Variants in PMEPA1 observed in about 807,000 individuals in gnomAD.
The protein encoded by PMEPA1 is protein TMEPAI.
PMEPA1 carries 11 observed loss-of-function variants against 23.0 expected under a neutral mutation model. That is an observed-to-expected ratio of 0.48 (90% CI 0.30 to 0.79). The LOEUF (loss-of-function observed/expected upper bound fraction) is 0.79, where lower values mean the gene tolerates loss of function less well. PMEPA1 is among the 30% of genes least tolerant of loss of function. The pLI is 0.06. For synonymous variants in PMEPA1, 204 were observed against 166.4 expected, an observed-to-expected ratio of 1.23 and a Z score of -1.74; for missense variants, 377 against 390.9, an observed-to-expected ratio of 0.96 and a Z score of 0.30.
rs949784454 is a variant in PMEPA1 at position 57,648,576 on chromosome 20, A to C, written c.*3477T>G. The C allele has an allele frequency of 3.3e-5, 5 of 152,604 alleles. No individual in the cohort carries two copies. The highest frequency in any genetic ancestry group is 7.3e-5 in the Non-Finnish European group (5 of 68,036). The allele number at this position is 152,604 out of a possible 1,614,324, so 9.5% of individuals were successfully genotyped here. The stretch of plus-strand genomic sequence containing the variant: ...GCCCCGCATGCCACGGAAAGCTTAC[A>C]TAAGTTTAACTTGAACAGAGCTTGG... On this transcript the variant is annotated 3_prime_UTR_variant, in exon 4 of 4. Transcript: ENST00000341744.
Position 57,681,964 on chromosome 20 carries a change from G to T in PMEPA1, c.110-22267C>A, listed in dbSNP as rs143739386. Among the ~76,000 whole-genome samples, 37 of 152,202 alleles carry T rather than the reference G, an allele frequency of 2.4e-4. 1 individual carries two copies. Among genetic ancestry groups the T allele is most frequent in the African/African-American group, 8.9e-4 (37 of 41,516 alleles). ...GAGACCCTCTCAGACCAATAAAGCA[G>T]CCCCCAGGCACAGTCATGTGACACT... On this transcript the variant is annotated intron_variant, in intron 1 of 3. Transcript: ENST00000341744.
At chr20:57,678,614 C>T (rs1171176290) in intron 1 of PMEPA1, among the ~76,000 whole-genome samples, 2 of 152,190 alleles carry the variant, frequency 1.3e-5, no homozygotes, top group African/African-American at 2.4e-5. Flanking sequence ...TGCAGCCACA[C>T]GAAACCATCT....
chr20:57,685,898 C>G (rs948954535), intron 1 of PMEPA1, among the ~76,000 whole-genome samples: 1 of 152,188 alleles, frequency 6.6e-6, no homozygotes, highest in African/African-American at 2.4e-5. Flanking sequence ...GGAATCTGGT[C>G]TCACCTCCAA....
Position 57,651,954 on chromosome 20 carries a change from G to A in PMEPA1, c.*99C>T, listed in dbSNP as rs369710270. ...GTGGGAGGGGAGGGCCACACGATGC[G>A]TTGCTGCGCCCCCCGCCTTCCTCTC... is the stretch of plus-strand genomic sequence containing the variant. On this transcript the variant is annotated 3_prime_UTR_variant, in exon 4 of 4. Coordinates refer to ENST00000341744, the MANE Select transcript of PMEPA1 (RefSeq NM_020182.5). The A allele has an allele frequency of 2.9e-6, 3 of 1,019,516 alleles. No homozygotes were observed. The highest frequency in any genetic ancestry group is 4.1e-6 in the Non-Finnish European group (3 of 727,168). The allele number at this position is 1,019,516 out of a possible 1,614,324, so 63.2% of individuals were successfully genotyped here.
At chr20:57,710,758 G>A (rs1185019914), upstream of PMEPA1, 26 of 392,442 alleles carry the variant, frequency 6.6e-5, 1 homozygote, top group African/African-American at 2.1e-5. Flanking sequence ...AGCAGGAGGG[G>A]TGTACTTTTA....
chr20:57,685,224 C>T (rs377113411), intron 1 of PMEPA1, among the ~76,000 whole-genome samples: 6 of 152,128 alleles, frequency 3.9e-5, no homozygotes, highest in East Asian at 1.9e-4. Context: ...GGTACCCACC[C>T]GGCTGCAACC....
chr20:57,666,631 A>G (rs1239929258), intron 1 of PMEPA1, among the ~76,000 whole-genome samples: 1 of 152,230 alleles, frequency 6.6e-6, no homozygotes, highest in African/African-American at 2.4e-5. Context: ...TGGGGTCAGT[A>G]ACAAGTGCCT....
At chr20:57,705,818 G>T (rs954660353) in intron 1 of PMEPA1, among the ~76,000 whole-genome samples, 1 of 152,188 alleles carries the variant, frequency 6.6e-6, no homozygotes, top group Non-Finnish European at 1.5e-5. Flanking sequence ...CTGGGAGAGG[G>T]GTGCTGGTAT....
intron 1 of PMEPA1, among the ~76,000 whole-genome samples, chr20:57,700,636 G>C (rs2071998796): frequency 6.6e-6 from 1 of 152,156 alleles, no homozygotes; most frequent in Non-Finnish European, 1.5e-5. Context: ...AGAGCCACTG[G>C]GGATTTTCAA....
chr20:57,667,803 C>G (rs1455391548), intron 1 of PMEPA1, among the ~76,000 whole-genome samples: 1 of 152,168 alleles, frequency 6.6e-6, no homozygotes, highest in Non-Finnish European at 1.5e-5. Flanking sequence ...ATTTACTGCC[C>G]TCTCCCCTAC....
rs963635063 is a variant in PMEPA1, at chr20:57,704,225, G to A, written c.109+5249C>T. On this transcript the variant is annotated intron_variant, in intron 1 of 3. Coordinates refer to ENST00000341744, the MANE Select transcript of PMEPA1 (RefSeq NM_020182.5). The surrounding 1 kb of genome is among the most constrained non-coding windows in gnomAD (Gnocchi z 4.6). Reference sequence around the variant, plus strand: ...AGGGCCCATGTGGCAATGGTGGGCTGAGCAGTGGCCACAGTGCCTTTAAAC... The same window carrying A: ...AGGGCCCATGTGGCAATGGTGGGCTAAGCAGTGGCCACAGTGCCTTTAAAC... Among the ~76,000 whole-genome samples, 2 of 152,208 alleles carry A rather than the reference G, an allele frequency of 1.3e-5. No individual in the cohort carries two copies. Among genetic ancestry groups the A allele is most frequent in the Admixed American group, 6.5e-5 (1 of 15,280 alleles).
intron 1 of PMEPA1, among the ~76,000 whole-genome samples, chr20:57,695,562 G>A (rs1004094375): frequency 6.6e-6 from 1 of 152,240 alleles, no homozygotes; most frequent in African/African-American, 2.4e-5. Flanking sequence ...GGAGGCTGAA[G>A]CAGGAAGATC....
chr20:57,710,565 G>A (rs1460096117), upstream of PMEPA1: 2 of 1,214,692 alleles, frequency 1.6e-6, no homozygotes, highest in Non-Finnish European at 2.3e-6. Context: ...CAAGGAGGAC[G>A]ACCAGGAAAG....
Position 57,709,758 on chromosome 20 carries a change from C to T in PMEPA1, c.-176G>A. 1 of 980,454 alleles carries T rather than the reference C, an allele frequency of 1.0e-6. No individual in the cohort carries two copies. The highest frequency in any genetic ancestry group is 4.6e-5 in the South Asian group (1 of 21,578). The allele number at this position is 980,454 out of a possible 1,614,324, so 60.7% of individuals were successfully genotyped here. ...TCCCGGGGCGCCGCGGGGCTCAGTG[C>T]GCGGGACCGCGCTCCGCTGCGCCCC... is the stretch of plus-strand genomic sequence containing the variant. On this transcript the variant is annotated 5_prime_UTR_variant, in exon 1 of 4. Transcript: ENST00000341744.
intron 1 of PMEPA1, among the ~76,000 whole-genome samples, chr20:57,679,306 A>G (rs2071679735): frequency 6.6e-6 from 1 of 152,212 alleles, no homozygotes; most frequent in Non-Finnish European, 1.5e-5. Flanking sequence ...CCTGGGGCAT[A>G]GCATGAAGAT....
At chr20:57,664,104 C>T (rs565852264) in intron 1 of PMEPA1, among the ~76,000 whole-genome samples, 15 of 152,322 alleles carry the variant, frequency 9.8e-5, no homozygotes, top group African/African-American at 3.4e-4. Context: ...CTGGCGAGGT[C>T]GGTCGCAAAC....
chr20:57,677,532 T>C (rs907385350), intron 1 of PMEPA1, among the ~76,000 whole-genome samples: 1 of 152,114 alleles, frequency 6.6e-6, no homozygotes, highest in Non-Finnish European at 1.5e-5. Flanking sequence ...GGAAGGAATC[T>C]CTGCAAAATG....
chr20:57,705,585 A>G (rs1421481992), intron 1 of PMEPA1, among the ~76,000 whole-genome samples: 2 of 152,232 alleles, frequency 1.3e-5, no homozygotes, highest in Non-Finnish European at 2.9e-5. Flanking sequence ...TCTTTCCTTC[A>G]TGGCACACAA....
At chr20:57,663,676 T>G (rs203377) in intron 1 of PMEPA1, among the ~76,000 whole-genome samples, 65,826 of 152,024 alleles carry the variant, frequency 0.43, 14,487 homozygotes, top group East Asian at 0.53. Flanking sequence ...GGGCACGGAG[T>G]GCGGGGCAGA....
Sources: allele counts gnomAD v4.1 joint callset (sites outside exome capture counted in the v4.1 genomes callset), GRCh38; gene constraint gnomAD v4.1.1; non-coding constraint Gnocchi (gnomAD v3.1); transcripts MANE v1.5; gene names NCBI Gene and HGNC (gene_info 2026-07-23, HGNC 2026-07-21).